The following EFCAB5 variants were observed in gnomAD, a reference collection of about 807,000 sequenced individuals.
The protein encoded by EFCAB5 is EF-hand calcium-binding domain-containing protein 5.
Under a neutral mutation model 167.9 loss-of-function variants are expected in EFCAB5, and 131 were observed. The observed-to-expected ratio is 0.78, with a 90% CI of 0.68 to 0.90. The LOEUF is 0.90. EFCAB5 is among the 40% of genes least tolerant of loss of function. The pLI, the probability that EFCAB5 is intolerant of heterozygous loss-of-function variation, is 0.00. For synonymous variants in EFCAB5, 574 were observed against 602.8 expected, an observed-to-expected ratio of 0.95 and a Z score of 0.70; for missense variants, 1,663 against 1,745.2, an observed-to-expected ratio of 0.95 and a Z score of 0.84.
At chr17:30,047,296 G>T (rs140371672) in intron 8 of EFCAB5, among the ~76,000 whole-genome samples, 1 of 152,016 alleles carries the variant, frequency 6.6e-6, no homozygotes, top group Non-Finnish European at 1.5e-5. Flanking sequence ...CTACCATATC[G>T]CCCAGGACAG....
intron 7 of EFCAB5, among the ~76,000 whole-genome samples, chr17:30,003,065 C>G (rs1212225445): frequency 1.6e-5 from 2 of 128,420 alleles, no homozygotes; most frequent in Non-Finnish European, 3.2e-5. Flanking sequence ...CTCTGAGATT[C>G]TGTTATTTCT....
chr17:29,932,721 G>A (rs2067212553), intron 1 of EFCAB5, among the ~76,000 whole-genome samples: 1 of 152,098 alleles, frequency 6.6e-6, no homozygotes. Context: ...GCCTCACAAA[G>A]TGCTGGGATT....
At chr17:29,942,190 A>G (rs2067307982) in intron 1 of EFCAB5, 50 bp from the exon 2 acceptor site, 1 of 1,479,670 alleles carries the variant, frequency 6.8e-7, no homozygotes, top group Admixed American at 2.4e-5. Context: ...ACAGTAGTTT[A>G]ATCCACAGCT....
chr17:30,056,828 A>C (rs1030666423), intron 12 of EFCAB5, among the ~76,000 whole-genome samples: 1 of 152,204 alleles, frequency 6.6e-6, no homozygotes, highest in African/African-American at 2.4e-5. Context: ...GTGAAAATGC[A>C]TGGCATTGGT....
At chr17:30,085,511 G>A (rs941803686) in intron 18 of EFCAB5, among the ~76,000 whole-genome samples, 6 of 152,128 alleles carry the variant, frequency 3.9e-5, no homozygotes, top group Non-Finnish European at 8.8e-5. Context: ...ACGAGGTCAG[G>A]AGATCGAGAC....
intron 8 of EFCAB5, among the ~76,000 whole-genome samples, chr17:30,048,792 T>C (rs141544401): frequency 4.6e-5 from 7 of 152,242 alleles, no homozygotes; most frequent in East Asian, 3.9e-4. Flanking sequence ...CCAGCCTACA[T>C]CTTGAAGAAT....
chr17:30,021,255 A>G (rs943536085), intron 7 of EFCAB5, among the ~76,000 whole-genome samples: 12 of 150,586 alleles, frequency 8.0e-5, no homozygotes, highest in African/African-American at 2.7e-4. Context: ...ATGAGTTTAT[A>G]TAAGTACTAT....
intron 14 of EFCAB5, chr17:30,072,962 ATTTG>A: frequency 2.1e-6 from 1 of 481,400 alleles, no homozygotes; most frequent in Non-Finnish European, 3.7e-6. Context: ...TATTATCACT[ATTTG>A]TTTTGATACT....
In EFCAB5 at chr17:30,057,749, A is replaced by G. The variant is rs372873288; in HGVS notation, c.2439A>G (p.Ser813=). ...VKGRTAFNGV[S]FNLLQFVQLL... ...GCAGAACTGCCTTCAATGGAGTTTC[A>G]TTCAATCTGCTCCAGTTTGTGCAAC... Residue 813 remains serine, a synonymous_variant, in exon 13 of 23, where the codon TCA becomes TCG. Transcript: ENST00000394835. 5.3e-5 allele frequency: 86 copies of G among 1,613,870 alleles called. No homozygotes were observed. In the African/African-American group the frequency reaches 7.7e-4, roughly 15 times the overall value.
intron 7 of EFCAB5, among the ~76,000 whole-genome samples, chr17:30,024,365 A>AT (rs1268331112): frequency 6.6e-6 from 1 of 152,194 alleles, no homozygotes; most frequent in East Asian, 1.9e-4. Flanking sequence ...TACAAAAATA[A>AT]CAAGCATTCT....
chr17:29,932,826 G>A (rs1203552342), intron 1 of EFCAB5, among the ~76,000 whole-genome samples: 3 of 151,998 alleles, frequency 2.0e-5, no homozygotes, highest in Non-Finnish European at 2.9e-5. Flanking sequence ...GGTAAGTGTG[G>A]AACATTTTTG....
chr17:30,015,506 G>A (rs529545120), intron 7 of EFCAB5, among the ~76,000 whole-genome samples: 17 of 152,256 alleles, frequency 1.1e-4, no homozygotes, highest in African/African-American at 3.1e-4. Flanking sequence ...GAAATGAAGC[G>A]AGAAGAGAAG....
intron 10 of EFCAB5, 36 bp downstream of exon 10, chr17:30,054,184 G>C (rs918595781): frequency 4.1e-6 from 6 of 1,477,648 alleles, no homozygotes; most frequent in Non-Finnish European, 5.4e-6. Flanking sequence ...TCAGTTCCCT[G>C]TTTTGTGGAA....
chr17:30,019,352 T>C (rs962567617), intron 7 of EFCAB5, among the ~76,000 whole-genome samples: 2 of 152,028 alleles, frequency 1.3e-5, no homozygotes, highest in Admixed American at 6.6e-5. Flanking sequence ...ATTTTATTTA[T>C]TGAGTAATCA....
At chr17:30,007,075 AG>A (rs2068787916) in intron 7 of EFCAB5, among the ~76,000 whole-genome samples, 1 of 152,236 alleles carries the variant, frequency 6.6e-6, no homozygotes, top group Non-Finnish European at 1.5e-5. Context: ...TGTTGATAGA[AG>A]ATAAATCAAA....
chr17:29,993,235 A>G lies in EFCAB5; in HGVS notation c.838A>G (p.Lys280Glu). 1 of 1,613,854 alleles carries G rather than the reference A, an allele frequency of 6.2e-7. No individual in the cohort carries two copies. The highest frequency in any genetic ancestry group is 1.1e-5 in the South Asian group (1 of 91,028). Residue 280 changes from lysine (K) to glutamate (E), a missense_variant, in exon 5 of 23, where the codon AAG becomes GAG. Physicochemically the swap from Lys to Glu is moderately conservative, Grantham distance 56. Transcript: ENST00000394835. ...QRESIDKIIV[K>E]VANTRKQALQ... Reference sequence around the variant, plus strand: ...AGAAAGCATAGACAAAATCATAGTCAAGGTGGCCAACACACGGAAACAGGC... The same window carrying G: ...AGAAAGCATAGACAAAATCATAGTCGAGGTGGCCAACACACGGAAACAGGC...
At chr17:29,980,407 C>G (rs528587282) in intron 4 of EFCAB5, among the ~76,000 whole-genome samples, 59 of 152,352 alleles carry the variant, frequency 3.9e-4, no homozygotes, top group Admixed American at 1.6e-3. Flanking sequence ...CATTTTTTAA[C>G]CTGTTACTTC....
intron 14 of EFCAB5, among the ~76,000 whole-genome samples, chr17:30,061,545 G>T (rs1163072995): frequency 6.6e-6 from 1 of 152,166 alleles, no homozygotes; most frequent in Non-Finnish European, 1.5e-5. Context: ...ATATGGAAGA[G>T]GAAGGTTGAA....
chr17:29,968,818 T>C lies in EFCAB5; in HGVS notation c.218T>C (p.Ile73Thr). The C allele has an allele frequency of 6.6e-7, 1 of 1,505,710 alleles. No homozygotes were observed. The highest frequency in any genetic ancestry group is 8.9e-7 in the Non-Finnish European group (1 of 1,127,492). 93.3% of individuals were successfully genotyped at this position (1,505,710 alleles called of 1,614,324 possible). ...QELNLEGQRKISPGSIKDSKT... is the reference protein window; with the variant it reads ...QELNLEGQRKTSPGSIKDSKT... ...TTAAACCTGGAGGGGCAGCGAAAAA[T>C]TTCACCTGGTTCAATAAAGGACTCT... The change falls in exon 4 of 23, where the codon ATT becomes ACT. Residue 73 changes from isoleucine to threonine, a missense_variant. Ile to Thr is a moderately conservative substitution (Grantham distance 89, BLOSUM62 -1). Coordinates refer to ENST00000394835, the MANE Select transcript of EFCAB5 (RefSeq NM_198529.4).
Sources: allele counts gnomAD v4.1 joint callset (sites outside exome capture counted in the v4.1 genomes callset), GRCh38; gene constraint gnomAD v4.1.1; transcripts MANE v1.5; gene names NCBI Gene and HGNC (gene_info 2026-07-23, HGNC 2026-07-21).